The following NFX1 variants were observed in gnomAD, a reference collection of about 807,000 sequenced individuals.
The protein encoded by NFX1 is transcriptional repressor NF-X1.
NFX1 carries 69 observed loss-of-function variants against 137.2 expected under a neutral mutation model. The ratio of observed to expected loss-of-function variants is 0.50; its 90% CI spans 0.41 to 0.61. NFX1 has a LOEUF of 0.61. Among genes scored for constraint, NFX1 ranks in the 20% least tolerant of loss-of-function variants. The pLI is 0.00. For missense variants in NFX1, 1,167 were observed against 1,391.0 expected, an observed-to-expected ratio of 0.84 and a Z score of 2.56; for synonymous variants, 495 against 474.1, an observed-to-expected ratio of 1.04 and a Z score of -0.57.
At position 33,336,959 on chromosome 9, in the gene NFX1, C is replaced by T. The variant is rs146919774; in HGVS notation, c.2036-1551C>T. ...TCTACTAAAAATACAAAAAATTAGC[C>T]GGCATGGTGGCAGGCACCTGTAATC... On this transcript the variant is annotated intron_variant, in intron 11 of 23. Transcript: ENST00000379540. Among the ~76,000 whole-genome samples the T allele has an allele frequency of 5.9e-3, 903 of 152,094 alleles. 13 individuals are homozygous for T. Among genetic ancestry groups the T allele is most frequent in the African/African-American group, 0.02 (832 of 41,504 alleles).
rs537884611 is a variant in NFX1, at chr9:33,304,302, A to G, written c.1270+1034A>G. On this transcript the variant is annotated intron_variant, in intron 4 of 23. Coordinates refer to ENST00000379540, the MANE Select transcript of NFX1 (RefSeq NM_002504.6). ...TAAAATAAAAACAAAGAAATCACCA[A>G]TGACTCCTTTCCAGCCATATCTAGG... Among the ~76,000 whole-genome samples, 277 of 152,262 alleles carry G rather than the reference A, an allele frequency of 1.8e-3. 1 individual carries two copies. The highest frequency in any genetic ancestry group is 6.2e-3 in the African/African-American group (257 of 41,568).
At chr9:33,347,141 C>T (rs1179304451) in intron 15 of NFX1, 24 bp downstream of exon 15, 2 of 1,558,476 alleles carry the variant, frequency 1.3e-6, no homozygotes, top group South Asian at 2.2e-5. Flanking sequence ...CTCAAGTGCT[C>T]ATTGTTCCAG....
rs111528666 is a variant in NFX1, at chr9:33,358,947, C to T, written c.2873+4055C>T. 6.3e-3 allele frequency among the ~76,000 whole-genome samples: 960 copies of T among 151,964 alleles called. 9 individuals carry two copies. Among genetic ancestry groups the T allele is most frequent in the African/African-American group, 0.022 (925 of 41,474 alleles). On this transcript the variant is annotated intron_variant, in intron 19 of 23. Coordinates refer to ENST00000379540, the MANE Select transcript of NFX1 (RefSeq NM_002504.6). ...TTCCTGGGCTCAAGCAATCCTCCTG[C>T]CTCAGCCTTCCAAAGTGCTGGGTTT...
intron 5 of NFX1, 51 bp from the exon 6 acceptor site, chr9:33,311,055 C>T (rs369049349): frequency 2.3e-5 from 36 of 1,563,836 alleles, no homozygotes; most frequent in Admixed American, 1.2e-4. Flanking sequence ...CAGCTTTGTT[C>T]GGGTTTGGAT....
chr9:33,307,406 T>G, intron 5 of NFX1, 107 bp downstream of exon 5: 1 of 896,444 alleles, frequency 1.1e-6, no homozygotes, highest in East Asian at 2.5e-5. Context: ...TGAAGGGTGA[T>G]ATGGGACCTC....
At chr9:33,303,166 G>A (rs1394411957) in intron 3 of NFX1, 25 bp from the exon 4 acceptor site, 2 of 1,600,372 alleles carry the variant, frequency 1.2e-6, no homozygotes, top group South Asian at 2.2e-5. Context: ...AAATTTATTT[G>A]GCCTACTCCC....
chr9:33,356,044 G>A (rs1823800005), intron 19 of NFX1, among the ~76,000 whole-genome samples: 1 of 152,210 alleles, frequency 6.6e-6, no homozygotes, highest in South Asian at 2.1e-4. Context: ...TGTGTGTTCA[G>A]CATTAGTAGA....
At chr9:33,359,071 A>C (rs572019177) in intron 19 of NFX1, among the ~76,000 whole-genome samples, 23 of 151,828 alleles carry the variant, frequency 1.5e-4, no homozygotes, top group African/African-American at 4.1e-4. Context: ...TTATTTAGCA[A>C]CCTCGCTAAA....
chr9:33,332,514 G>GCC lies in NFX1; in HGVS notation c.2035+12_2035+13insCC. The stretch of plus-strand genomic sequence containing the variant: ...TCTCAAAAGTGAAGGTATGACTGGG[G>GCC]TGGGGCATGAGGGAATTTCTGGGGT... On this transcript the variant is annotated intron_variant, in intron 11 of 23. Transcript: ENST00000379540. 1 of 1,566,726 alleles carries GCC rather than the reference G, an allele frequency of 6.4e-7. No homozygotes were observed. Among genetic ancestry groups the GCC allele is most frequent in the Non-Finnish European group, 8.7e-7 (1 of 1,151,816 alleles).
chr9:33,330,961 G>A (rs754747689), intron 10 of NFX1, among the ~76,000 whole-genome samples: 2 of 152,092 alleles, frequency 1.3e-5, no homozygotes, highest in Non-Finnish European at 2.9e-5. Flanking sequence ...GGCGGATCAT[G>A]AGGTCAGGAG....
At chr9:33,314,522 C>G (rs1161094823) in intron 7 of NFX1, among the ~76,000 whole-genome samples, 2 of 151,636 alleles carry the variant, frequency 1.3e-5, no homozygotes, top group African/African-American at 2.4e-5. Flanking sequence ...ACTAAAAATA[C>G]AAAAATTAAC....
Position 33,347,082 on chromosome 9 carries a change from T to C in NFX1, c.2389T>C (p.Phe797Leu). ...HSEEKCPPCT[F>L]LTQKWCMGKH... The stretch of plus-strand genomic sequence containing the variant: ...TGAGGAGAAGTGTCCCCCTTGCACT[T>C]TCCTAACTCAGAAGTGGTGCATGGG... The change falls in exon 15 of 24, where the codon TTC becomes CTC. Residue 797 changes from phenylalanine (F) to leucine (L), a missense_variant. Physicochemically the swap from Phe to Leu is conservative, Grantham distance 22. This residue lies in a region of NFX1 where 488 missense variants were observed against 691.5 expected (regional missense o/e 0.71). Transcript: ENST00000379540. 1 of 1,613,682 alleles carries C rather than the reference T, an allele frequency of 6.2e-7. No individual in the cohort carries two copies. The highest frequency in any genetic ancestry group is 2.2e-5 in the East Asian group (1 of 44,862).
intron 2 of NFX1, among the ~76,000 whole-genome samples, chr9:33,296,752 A>G (rs1169362320): frequency 1.3e-5 from 2 of 152,204 alleles, no homozygotes; most frequent in Non-Finnish European, 2.9e-5. Flanking sequence ...CTTTAGTCAC[A>G]TGTCCAGGGA....
Position 33,364,072 on chromosome 9 carries a change from G to A in NFX1, c.2936G>A (p.Gly979Glu). The change falls in exon 20 of 24, where the codon GGG (glycine) becomes GAG (glutamate). Residue 979 changes from glycine (G) to glutamate (E), a missense_variant. This residue lies in a region of NFX1 where 312 missense variants were observed against 312.8 expected (regional missense o/e 1.00). Transcript: ENST00000379540. ...GATCCTTTCAATATACGTTCTTCAG[G>A]GTCAAAATTCAGTGATAGTTTGAAA... is the stretch of plus-strand genomic sequence containing the variant. ...DSDPFNIRSS[G>E]SKFSDSLKED... The A allele has an allele frequency of 1.2e-6, 2 of 1,603,386 alleles. No homozygotes were observed. Among genetic ancestry groups the A allele is most frequent in the Non-Finnish European group, 1.7e-6 (2 of 1,175,564 alleles).
intron 11 of NFX1, among the ~76,000 whole-genome samples, chr9:33,337,359 G>GT (rs1461767247): frequency 6.6e-6 from 1 of 152,076 alleles, no homozygotes; most frequent in African/African-American, 2.4e-5. Flanking sequence ...GTGTGCATAG[G>GT]TTATATGCAA....
intron 13 of NFX1, 84 bp from the exon 14 acceptor site, chr9:33,343,985 A>ATG: frequency 6.4e-7 from 1 of 1,562,430 alleles, no homozygotes; most frequent in East Asian, 2.3e-5. Context: ...ACAAGCAAAA[A>ATG]TGTGTGTGTT....
At chr9:33,306,720 C>T (rs1172263882) in intron 4 of NFX1, among the ~76,000 whole-genome samples, 5 of 151,986 alleles carry the variant, frequency 3.3e-5, no homozygotes, top group African/African-American at 9.7e-5. Flanking sequence ...TCTTTTATGC[C>T]GACTTTATAG....
intron 2 of NFX1, 122 bp from the exon 3 acceptor site, chr9:33,301,141 C>A: frequency 3.4e-6 from 3 of 877,966 alleles, no homozygotes; most frequent in Non-Finnish European, 5.2e-6. Flanking sequence ...AATCAGATAT[C>A]CCTTAAAATC....
chr9:33,336,371 G>A (rs1002792076), intron 11 of NFX1, among the ~76,000 whole-genome samples: 3 of 151,848 alleles, frequency 2.0e-5, no homozygotes, highest in South Asian at 2.1e-4. Flanking sequence ...GCCCGCCACC[G>A]CGCCCGGCTA....
Sources: allele counts gnomAD v4.1 joint callset (sites outside exome capture counted in the v4.1 genomes callset), GRCh38; gene constraint gnomAD v4.1.1; regional missense constraint gnomAD v4.1.1; transcripts MANE v1.5; gene names NCBI Gene and HGNC (gene_info 2026-07-23, HGNC 2026-07-21).